Variants in HERC4 observed in about 807,000 individuals in gnomAD.
The protein encoded by HERC4 is probable E3 ubiquitin-protein ligase HERC4.
A neutral mutation model predicts 124.3 loss-of-function variants in HERC4; 28 were observed. The observed-to-expected ratio is 0.23, with a 90% CI of 0.17 to 0.31. HERC4 has a LOEUF of 0.31. HERC4 is among the 10% of genes least tolerant of loss of function. The pLI is 1.00. For synonymous variants in HERC4, 407 were observed against 421.5 expected (o/e 0.97, Z 0.42); for missense variants, 713 against 1,229.3 (o/e 0.58, Z 6.28).
At chr10:68,009,781 T>TGAG (rs2037824009) in intron 9 of HERC4, among the ~76,000 whole-genome samples, 29 of 152,348 alleles carry the variant, frequency 1.9e-4, no homozygotes, top group Admixed American at 1.8e-3. Flanking sequence ...TCTTAACCCC[T>TGAG]GCTGCTGCTC....
chr10:68,008,663 A>G (rs2037738067), intron 9 of HERC4, among the ~76,000 whole-genome samples: 1 of 152,222 alleles, frequency 6.6e-6, no homozygotes, highest in Admixed American at 6.5e-5. Flanking sequence ...ATAGAAAATA[A>G]TTAACACTCC....
chr10:67,937,404 A>T (rs529218954), intron 21 of HERC4, among the ~76,000 whole-genome samples: 1 of 152,296 alleles, frequency 6.6e-6, no homozygotes, highest in Non-Finnish European at 1.5e-5. Flanking sequence ...AAATGTTTGA[A>T]TTACCATAGT....
rs1401679516 is a variant in HERC4 at position 68,014,046 on chromosome 10, C to T, written c.1049G>A (p.Gly350Glu). The change falls in exon 9 of 25, where the codon GGG becomes GAG. Residue 350 changes from glycine to glutamate, a missense_variant. Coordinates refer to ENST00000373700, the MANE Select transcript of HERC4 (RefSeq NM_015601.4). ...CTTACCAATATCTGGTAGACACTGC[C>T]CATTATAGGGGTACCAATTTCCTTT... ...TVKGNWYPYN[G>E]QCLPDIDSEE... The T allele has an allele frequency of 1.1e-5, 18 of 1,609,796 alleles. No homozygotes were observed. Among genetic ancestry groups the T allele is most frequent in the Non-Finnish European group, 1.5e-5 (18 of 1,178,486 alleles).
At chr10:67,974,453 C>T (rs1485020471) in intron 15 of HERC4, among the ~76,000 whole-genome samples, 2 of 152,154 alleles carry the variant, frequency 1.3e-5, no homozygotes, top group Non-Finnish European at 2.9e-5. Flanking sequence ...CACATATACA[C>T]TAAAACTAAG....
At chr10:68,039,637 T>C in intron 4 of HERC4, 2 of 1,372,622 alleles carry the variant, frequency 1.5e-6, no homozygotes. Context: ...TCCAACAAAT[T>C]AGCAGGATCC....
At chr10:67,979,052 C>T (rs1203088945) in intron 15 of HERC4, among the ~76,000 whole-genome samples, 1 of 152,112 alleles carries the variant, frequency 6.6e-6, no homozygotes, top group African/African-American at 2.4e-5. Flanking sequence ...AAATACGTAA[C>T]TCTAACTCTT....
intron 9 of HERC4, among the ~76,000 whole-genome samples, chr10:68,002,099 G>A (rs900473662): frequency 6.6e-5 from 10 of 151,982 alleles, no homozygotes; most frequent in Admixed American, 1.3e-4. Flanking sequence ...CTACAGTTTC[G>A]AAGGTGCCAA....
chr10:67,936,286 A>T lies in HERC4; in HGVS notation c.2572-51T>A, dbSNP rs1239621602. On this transcript the variant is annotated intron_variant, in intron 21 of 24. Transcript: ENST00000373700. Reference sequence around the variant, plus strand: ...GTCAATGTCAGACTCAAAACTTATAATAATCTATTATTATATTCTACCTTT... The same window carrying T: ...GTCAATGTCAGACTCAAAACTTATATTAATCTATTATTATATTCTACCTTT... 8.8e-6 allele frequency: 9 copies of T among 1,021,526 alleles called. No homozygotes were observed. In the Admixed American group the frequency reaches 2.1e-4, roughly 23 times the overall value. The allele number at this position is 1,021,526 out of a possible 1,614,324, so 63.3% of individuals were successfully genotyped here. A position where few individuals can be genotyped will look rare whatever the true frequency, so the allele number is the denominator to read the frequency against.
At chr10:68,063,013 T>A (rs1168545605) in intron 3 of HERC4, among the ~76,000 whole-genome samples, 1 of 152,180 alleles carries the variant, frequency 6.6e-6, no homozygotes, top group Non-Finnish European at 1.5e-5. Context: ...CTTCCCTTAG[T>A]AAGCCTCAAA....
Position 68,014,189 on chromosome 10 carries a change from A to G in HERC4, c.909-3T>C. The G allele has an allele frequency of 2.5e-6, 4 of 1,571,700 alleles. No individual in the cohort carries two copies. The highest frequency in any genetic ancestry group is 3.4e-6 in the Non-Finnish European group (4 of 1,161,690). On this transcript the variant is annotated splice_region_variant and splice_polypyrimidine_tract_variant and intron_variant, in intron 8 of 24. Transcript: ENST00000373700. Reference sequence around the variant, plus strand: ...GAACAAAAGCAGAAGTGTGCTGCCTAGAGTAAAATGATAGAAAACTTCAGA... The same window carrying G: ...GAACAAAAGCAGAAGTGTGCTGCCTGGAGTAAAATGATAGAAAACTTCAGA...
chr10:68,063,109 CCTTT>C (rs757119042), intron 3 of HERC4, among the ~76,000 whole-genome samples: 4 of 150,872 alleles, frequency 2.7e-5, no homozygotes, highest in African/African-American at 4.8e-5. Context: ...ATTTTAATTG[CCTTT>C]CTATTATTTG....
intron 15 of HERC4, among the ~76,000 whole-genome samples, chr10:67,977,297 G>C (rs1447609918): frequency 6.6e-6 from 1 of 152,164 alleles, no homozygotes; most frequent in African/African-American, 2.4e-5. Context: ...AACATTTCTA[G>C]ATACACAGTG....
chr10:67,972,718 C>T (rs1589221220), intron 15 of HERC4, among the ~76,000 whole-genome samples: 1 of 151,960 alleles, frequency 6.6e-6, no homozygotes, highest in South Asian at 2.1e-4. Context: ...CCAAGCACTG[C>T]TGAGAGAAAC....
chr10:68,065,292 T>C (rs114481984), intron 3 of HERC4, among the ~76,000 whole-genome samples: 2,159 of 152,192 alleles, frequency 0.014, 53 homozygotes, highest in African/African-American at 0.049. Context: ...AGAAAACAAT[T>C]ATGAAAAACT....
chr10:68,069,572 C>T, intron 3 of HERC4: 1 of 985,376 alleles, frequency 1.0e-6, no homozygotes, highest in Middle Eastern at 5.2e-4. Context: ...CATTGTCAGG[C>T]CAAGTCCTCC....
chr10:67,940,943 C>T lies in HERC4; in HGVS notation c.2500G>A (p.Gly834Arg). ...TGACTTTTTTTTCCAACTAACCTCC[C>T]AACATCAGGCATTAGTTCTTTCAAA... ...DDLKELMPDV[G>R]RSMQQLLDYP... The change falls in exon 20 of 25, where the codon GGG (glycine) becomes AGG (arginine). Residue 834 changes from glycine (G) to arginine (R), a missense_variant. Coordinates refer to ENST00000373700, the MANE Select transcript of HERC4 (RefSeq NM_015601.4). The T allele has an allele frequency of 6.2e-7, 1 of 1,609,076 alleles. No individual in the cohort carries two copies. Among genetic ancestry groups the T allele is most frequent in the Non-Finnish European group, 8.5e-7 (1 of 1,178,614 alleles).
chr10:67,968,568 G>A (rs932112642), intron 15 of HERC4, among the ~76,000 whole-genome samples: 2 of 151,598 alleles, frequency 1.3e-5, no homozygotes, highest in African/African-American at 4.8e-5. Context: ...GTAGAGATGG[G>A]GTTTCACCAT....
Position 68,036,216 on chromosome 10 carries a change from G to A in HERC4, c.463+1877C>T, listed in dbSNP as rs1167720806. On this transcript the variant is annotated intron_variant, in intron 5 of 24. Coordinates refer to ENST00000373700, the MANE Select transcript of HERC4 (RefSeq NM_015601.4). ...GCCTGTAGTCCCAGCTACTAGGGAGGCTGAGGCAAGAGAATGGCGTGAACC... is the reference window on the plus strand; with the variant it reads ...GCCTGTAGTCCCAGCTACTAGGGAGACTGAGGCAAGAGAATGGCGTGAACC... 2.6e-5 allele frequency among the ~76,000 whole-genome samples: 4 copies of A among 151,814 alleles called. No individual in the cohort carries two copies. The East Asian group carries it at 7.8e-4, about 29-fold the overall frequency.
intron 15 of HERC4, among the ~76,000 whole-genome samples, chr10:67,986,281 T>C (rs879368007): frequency 2.6e-5 from 4 of 152,250 alleles, no homozygotes; most frequent in South Asian, 2.1e-4. Flanking sequence ...AAGTCAAAAG[T>C]AGTGGTTTTC....
Sources: allele counts gnomAD v4.1 joint callset (sites outside exome capture counted in the v4.1 genomes callset), GRCh38; gene constraint gnomAD v4.1.1; transcripts MANE v1.5; gene names NCBI Gene and HGNC (gene_info 2026-07-23, HGNC 2026-07-21).